Variants in CADPS observed in about 807,000 individuals in gnomAD.
The protein encoded by CADPS is calcium dependent secretion activator, also known as calcium-dependent secretion activator 1.
Under a neutral mutation model 167.3 loss-of-function variants are expected in CADPS, and 57 were observed. That is an observed-to-expected ratio of 0.34 (90% confidence interval 0.28 to 0.42). The LOEUF (loss-of-function observed/expected upper bound fraction) is 0.42. Among genes scored for constraint, CADPS ranks in the 20% least tolerant of loss-of-function variants. The pLI, the probability that CADPS is intolerant of heterozygous loss-of-function variation, is 1.00. For synonymous variants in CADPS, 676 were observed against 635.3 expected, an observed-to-expected ratio of 1.06 and a Z score of -0.96; for missense variants, 1,414 against 1,738.1, an observed-to-expected ratio of 0.81 and a Z score of 3.32.
chr3:62,587,287 A>G (rs1407109264), intron 7 of CADPS, among the ~76,000 whole-genome samples: 2 of 152,248 alleles, frequency 1.3e-5, no homozygotes, highest in Non-Finnish European at 2.9e-5. Flanking sequence ...GAGAACTGCA[A>G]CATATCATAG....
intron 9 of CADPS, among the ~76,000 whole-genome samples, chr3:62,562,331 A>G (rs2079317795): frequency 6.6e-6 from 1 of 152,158 alleles, no homozygotes. Flanking sequence ...TTGGTGGAGG[A>G]GAAGGAGAAT....
At chr3:62,526,949 A>C (rs2072397972) in intron 13 of CADPS, among the ~76,000 whole-genome samples, 1 of 152,152 alleles carries the variant, frequency 6.6e-6, no homozygotes, top group South Asian at 2.1e-4. Flanking sequence ...TTGACAACCA[A>C]AATCCTAAAT....
In CADPS at chr3:62,645,711, AC is replaced by A. The variant is rs749930666; in HGVS notation, c.1325+10del. On this transcript the variant is annotated intron_variant, in intron 6 of 29. Transcript: ENST00000383710. ...CCTCTATAAGATGGACCCTGGAGAA[AC>A]ATAACTTACGTTGGTTTAGAAGCCT... is the stretch of plus-strand genomic sequence containing the variant. 8.1e-6 allele frequency: 13 copies of A among 1,613,550 alleles called. No individual in the cohort carries two copies. The highest frequency in any genetic ancestry group is 1.1e-5 in the Non-Finnish European group (13 of 1,179,822).
At chr3:62,758,662 C>T (rs1021802334) in intron 2 of CADPS, among the ~76,000 whole-genome samples, 3 of 152,230 alleles carry the variant, frequency 2.0e-5, no homozygotes, top group African/African-American at 7.2e-5. Context: ...GAGACTTTAA[C>T]CCCAAGCCCA....
Position 62,420,901 on chromosome 3 carries a change from CAGGCACACACACA to C in CADPS, c.3777+17190_3777+17202del, listed in dbSNP as rs779823953. 5.4e-5 allele frequency among the ~76,000 whole-genome samples: 6 copies of C among 110,626 alleles called. No individual in the cohort carries two copies. Among genetic ancestry groups the C allele is most frequent in the African/African-American group, 1.7e-4 (4 of 23,112 alleles). The allele number at this position is 110,626 out of a possible 152,430, so 72.6% of individuals were successfully genotyped here. On this transcript the variant is annotated intron_variant, in intron 28 of 29. Coordinates refer to ENST00000383710, the MANE Select transcript of CADPS (RefSeq NM_003716.4). The surrounding 1 kb of genome is among the most constrained non-coding windows in gnomAD (Gnocchi z 4.1). ...ACACACACACACACACACACACACA[CAGGCACACACACA>C]CACACTTGCCAGATCACTTACCCAA... is the stretch of plus-strand genomic sequence containing the variant.
chr3:62,462,348 C>A (rs573875960), intron 26 of CADPS, among the ~76,000 whole-genome samples: 1 of 152,252 alleles, frequency 6.6e-6, no homozygotes, highest in African/African-American at 2.4e-5. Flanking sequence ...CTCCTCCCTC[C>A]AGCTCCTCTC....
intron 8 of CADPS, 103 bp downstream of exon 8, chr3:62,585,082 C>T: frequency 1.9e-6 from 2 of 1,060,152 alleles, no homozygotes; most frequent in South Asian, 1.6e-5. Flanking sequence ...CTTTATATTT[C>T]CTTCTACATA....
At chr3:62,728,531 T>A (rs2077167721) in intron 3 of CADPS, among the ~76,000 whole-genome samples, 1 of 151,864 alleles carries the variant, frequency 6.6e-6, no homozygotes, top group Non-Finnish European at 1.5e-5. Context: ...TTACCAAAGG[T>A]CTTCAGCACC....
chr3:62,668,842 A>G (rs994342909), intron 3 of CADPS, among the ~76,000 whole-genome samples: 1 of 152,142 alleles, frequency 6.6e-6, no homozygotes, highest in African/African-American at 2.4e-5. Context: ...CTGACTAGCT[A>G]CAGGACTGAG....
intron 3 of CADPS, among the ~76,000 whole-genome samples, chr3:62,751,583 TG>T (rs2082710109): frequency 6.6e-6 from 1 of 152,056 alleles, no homozygotes; most frequent in Admixed American, 6.6e-5. Flanking sequence ...CCATCATGCC[TG>T]GCTAATTTTT....
At chr3:62,662,443 C>A in intron 3 of CADPS, 49 bp from the exon 4 acceptor site, 1 of 1,512,952 alleles carries the variant, frequency 6.6e-7, no homozygotes, top group South Asian at 1.1e-5. Flanking sequence ...TCACAAGTGC[C>A]AATAAACTCA....
chr3:62,626,216 G>A (rs538556003), intron 6 of CADPS: 21 of 241,910 alleles, frequency 8.7e-5, no homozygotes, highest in African/African-American at 3.0e-4. Context: ...ATTTCATTCC[G>A]GTCATTGAGA....
At chr3:62,556,022 C>A (rs576432446) in intron 10 of CADPS, among the ~76,000 whole-genome samples, 1 of 152,238 alleles carries the variant, frequency 6.6e-6, no homozygotes, top group East Asian at 1.9e-4. Context: ...CAGATGTGAG[C>A]CACCACTCCT....
chr3:62,611,641 T>G (rs892314206), intron 6 of CADPS, among the ~76,000 whole-genome samples: 1 of 152,202 alleles, frequency 6.6e-6, no homozygotes, highest in Non-Finnish European at 1.5e-5. Flanking sequence ...CCCCTCTCAT[T>G]CTGGTTCATT....
At chr3:62,437,267 T>C (rs1405860285) in intron 28 of CADPS, among the ~76,000 whole-genome samples, 2 of 151,466 alleles carry the variant, frequency 1.3e-5, no homozygotes, top group Non-Finnish European at 2.9e-5. Flanking sequence ...CGAGATGAAA[T>C]ATCTGGCTAA....
At chr3:62,591,360 G>T (rs2085972546) in intron 7 of CADPS, among the ~76,000 whole-genome samples, 1 of 152,178 alleles carries the variant, frequency 6.6e-6, no homozygotes, top group Admixed American at 6.5e-5. Context: ...GCAAATGAAG[G>T]GGACTGAGCT....
chr3:62,416,168 G>A (rs144920766), intron 28 of CADPS, among the ~76,000 whole-genome samples: 121 of 152,314 alleles, frequency 7.9e-4, no homozygotes, highest in Middle Eastern at 3.4e-3. Context: ...TTACTCAGCA[G>A]GTGACGGTGG....
At chr3:62,775,020 GT>G (rs974725840) in intron 1 of CADPS, among the ~76,000 whole-genome samples, 4 of 150,674 alleles carry the variant, frequency 2.7e-5, no homozygotes, top group African/African-American at 7.4e-5. Context: ...ACCCATAAGT[GT>G]TTTTTTTTTA....
chr3:62,868,419 T>G (rs2082080598), intron 1 of CADPS, among the ~76,000 whole-genome samples: 1 of 152,140 alleles, frequency 6.6e-6, no homozygotes, highest in Admixed American at 6.6e-5. Context: ...GGTTGGGTAG[T>G]CTTATTTCCA....
Sources: allele counts gnomAD v4.1 joint callset (sites outside exome capture counted in the v4.1 genomes callset), GRCh38; gene constraint gnomAD v4.1.1; non-coding constraint Gnocchi (gnomAD v3.1); transcripts MANE v1.5; gene names NCBI Gene and HGNC (gene_info 2026-07-23, HGNC 2026-07-21).